FGFR1OP2: variants seen among roughly 807,000 people sequenced by gnomAD.
FGFR1OP2 encodes FGFR1 oncogene partner 2, also known as fibroblast growth factor receptor 1 oncogene partner 2.
Under a neutral mutation model 35.2 loss-of-function variants are expected in FGFR1OP2, and 17 were observed. That is an observed-to-expected ratio of 0.48 (90% CI 0.33 to 0.73). FGFR1OP2 has a LOEUF of 0.73. Among genes scored for constraint, FGFR1OP2 ranks in the 30% least tolerant of loss-of-function variants. The pLI is 0.02. For missense variants in FGFR1OP2, 251 were observed against 307.3 expected, an observed-to-expected ratio of 0.82 and a Z score of 1.37; for synonymous variants, 105 against 104.6, an observed-to-expected ratio of 1.00 and a Z score of -0.03.
intron 1 of FGFR1OP2, among the ~76,000 whole-genome samples, chr12:26,941,775 C>A (rs1938737863): frequency 6.6e-6 from 1 of 152,110 alleles, no homozygotes. Context: ...TATACATTCC[C>A]ATTTCTTTTC....
rs146361741 is a variant in FGFR1OP2, at chr12:26,951,607, A to G, written c.-14-2538A>G. On this transcript the variant is annotated intron_variant, in intron 1 of 6. Transcript: ENST00000229395. ...AGTGCTGGGATTACAGGTGTGAGCC[A>G]CTGCGCCCAGCCCAAGGTATACAAT... is the stretch of plus-strand genomic sequence containing the variant. Among the ~76,000 whole-genome samples, 6 of 152,300 alleles carry G rather than the reference A, an allele frequency of 3.9e-5. 1 individual carries two copies. The highest frequency in any genetic ancestry group is 1.4e-4 in the African/African-American group (6 of 41,554).
chr12:26,942,756 T>G (rs1269750353), intron 1 of FGFR1OP2, among the ~76,000 whole-genome samples: 1 of 152,242 alleles, frequency 6.6e-6, no homozygotes, highest in African/African-American at 2.4e-5. Context: ...TCCATATCTT[T>G]TTGGTTCACT....
rs760963346 is a variant in FGFR1OP2 at position 26,964,569 on chromosome 12, G to A, written c.625-27G>A. 4.4e-6 allele frequency: 7 copies of A among 1,604,972 alleles called. No individual in the cohort carries two copies. In the East Asian group the frequency reaches 1.1e-4, roughly 26 times the overall value. ...TGTAGCTACCTTGTAGATAGTGACTGCATCTTTGTTTTTGCTTGCCTTTTA... is the reference window on the plus strand; with the variant it reads ...TGTAGCTACCTTGTAGATAGTGACTACATCTTTGTTTTTGCTTGCCTTTTA... On this transcript the variant is annotated intron_variant, in intron 6 of 6. Coordinates refer to ENST00000229395, the MANE Select transcript of FGFR1OP2 (RefSeq NM_015633.3).
At chr12:26,962,985 T>C (rs565404950) in intron 5 of FGFR1OP2, 1 of 159,160 alleles carries the variant, frequency 6.3e-6, no homozygotes, top group Admixed American at 6.4e-5. Context: ...GGAAAAGAGA[T>C]TGAATGCGTC....
chr12:26,953,268 C>CAAAA (rs10714749), intron 1 of FGFR1OP2, among the ~76,000 whole-genome samples: 7 of 78,266 alleles, frequency 8.9e-5, no homozygotes, highest in Non-Finnish European at 1.4e-4. Context: ...ACTGTGTCTC[C>CAAAA]AAAAAAAAAA....
chr12:26,944,571 G>T lies in FGFR1OP2; in HGVS notation c.-15+5861G>T, dbSNP rs184813513. ...TTGAATCTGGGATAAACTCCCATTGGTCAGGGTATATTACTCTCATTATGA... is the reference window on the plus strand; with the variant it reads ...TTGAATCTGGGATAAACTCCCATTGTTCAGGGTATATTACTCTCATTATGA... On this transcript the variant is annotated intron_variant, in intron 1 of 6. Transcript: ENST00000229395. Among the ~76,000 whole-genome samples, 60 of 152,254 alleles carry T rather than the reference G, an allele frequency of 3.9e-4. No individual in the cohort carries two copies. The East Asian group carries it at 0.01, about 26-fold the overall frequency.
intron 1 of FGFR1OP2, among the ~76,000 whole-genome samples, chr12:26,940,125 G>A (rs1250336491): frequency 6.6e-6 from 1 of 152,190 alleles, no homozygotes; most frequent in Non-Finnish European, 1.5e-5. Context: ...TACAGACAGT[G>A]CTTGGAGTAT....
intron 1 of FGFR1OP2, among the ~76,000 whole-genome samples, chr12:26,953,232 C>T (rs983626893): frequency 8.4e-5 from 12 of 143,142 alleles, no homozygotes; most frequent in African/African-American, 3.2e-4. Context: ...CCGCTGCACT[C>T]CAGCCAGCCT....
intron 5 of FGFR1OP2, 25 bp downstream of exon 5, chr12:26,960,653 T>G (rs374167364): frequency 3.8e-6 from 6 of 1,597,646 alleles, no homozygotes; most frequent in East Asian, 2.2e-5. Context: ...CAGTCAACTT[T>G]TGGGGTGTGG....
intron 4 of FGFR1OP2, among the ~76,000 whole-genome samples, chr12:26,959,174 ATAAAT>A (rs549310494): frequency 8.6e-4 from 131 of 152,252 alleles, no homozygotes; most frequent in African/African-American, 2.8e-3. Flanking sequence ...CAGTAAAATA[ATAAAT>A]TAAATTAAAA....
Position 26,960,572 on chromosome 12 carries a change from A to G in FGFR1OP2, c.454A>G (p.Ile152Val). The change falls in exon 5 of 7, where the codon ATC (isoleucine) becomes GTC (valine). Residue 152 changes from isoleucine to valine, a missense_variant. Physicochemically the swap from Ile to Val is conservative, Grantham distance 29. Transcript: ENST00000229395. ...ATTCTTCCTTGATGCATCTCGACAC[A>G]TCCTTGAAGCACCTCAACATGGACT... is the stretch of plus-strand genomic sequence containing the variant. ...EGFFLDASRH[I>V]LEAPQHGLER... 1 of 1,613,634 alleles carries G rather than the reference A, an allele frequency of 6.2e-7. No individual in the cohort carries two copies. Among genetic ancestry groups the G allele is most frequent in the Non-Finnish European group, 8.5e-7 (1 of 1,179,752 alleles).
chr12:26,965,524 G>T lies in FGFR1OP2; in HGVS notation c.*791G>T, dbSNP rs969555291. 1 of 152,340 alleles carries T rather than the reference G, an allele frequency of 6.6e-6. No individual in the cohort carries two copies. The highest frequency in any genetic ancestry group is 2.4e-5 in the African/African-American group (1 of 41,402). The allele number at this position is 152,340 out of a possible 1,614,324, so 9.4% of individuals were successfully genotyped here. A position where few individuals can be genotyped will look rare whatever the true frequency, so the allele number is the denominator to read the frequency against. On this transcript the variant is annotated 3_prime_UTR_variant, in exon 7 of 7. Transcript: ENST00000229395. ...TTTCTCTTCTCTGGCTGATTTTTAA[G>T]GATATTATGTAGTTCATTTAGTTAA...
chr12:26,944,472 G>A (rs866071839), intron 1 of FGFR1OP2, among the ~76,000 whole-genome samples: 3 of 152,046 alleles, frequency 2.0e-5, no homozygotes, highest in Non-Finnish European at 2.9e-5. Flanking sequence ...GAAAGTATGC[G>A]GAATTTTTTA....
chr12:26,948,525 T>C (rs1938865024), intron 1 of FGFR1OP2, among the ~76,000 whole-genome samples: 1 of 152,252 alleles, frequency 6.6e-6, no homozygotes, highest in Non-Finnish European at 1.5e-5. Context: ...CAAATTGTTC[T>C]CTATGAGTAA....
chr12:26,954,489 T>G (rs1220346962), intron 2 of FGFR1OP2, among the ~76,000 whole-genome samples, 196 bp downstream of exon 2: 1 of 152,216 alleles, frequency 6.6e-6, no homozygotes, highest in Non-Finnish European at 1.5e-5. Flanking sequence ...AACCCTAGAT[T>G]TGATCACTTA....
At chr12:26,946,190 C>T (rs1007686882) in intron 1 of FGFR1OP2, among the ~76,000 whole-genome samples, 3 of 152,104 alleles carry the variant, frequency 2.0e-5, no homozygotes, top group African/African-American at 7.2e-5. Context: ...TTTTGAAGCT[C>T]TTTAATTATA....
intron 2 of FGFR1OP2, among the ~76,000 whole-genome samples, chr12:26,955,459 T>A (rs1357421964): frequency 6.6e-6 from 1 of 152,212 alleles, no homozygotes; most frequent in Non-Finnish European, 1.5e-5. Flanking sequence ...CACAAAACCT[T>A]ACATCCATCA....
intron 6 of FGFR1OP2, 29 bp downstream of exon 6, chr12:26,963,484 A>G: frequency 7.1e-7 from 1 of 1,413,078 alleles, no homozygotes; most frequent in Non-Finnish European, 9.9e-7. Flanking sequence ...ATGTAGATGA[A>G]AACTGTCCAT....
intron 1 of FGFR1OP2, among the ~76,000 whole-genome samples, chr12:26,950,873 C>G (rs1938917496): frequency 6.6e-6 from 1 of 152,204 alleles, no homozygotes; most frequent in Non-Finnish European, 1.5e-5. Flanking sequence ...GAATCACAAT[C>G]ATGAGATTTT....
Sources: allele counts gnomAD v4.1 joint callset (sites outside exome capture counted in the v4.1 genomes callset), GRCh38; gene constraint gnomAD v4.1.1; transcripts MANE v1.5; gene names NCBI Gene and HGNC (gene_info 2026-07-23, HGNC 2026-07-21).